Variants in RBFOX3 observed in about 807,000 individuals in gnomAD.
RBFOX3 encodes RNA binding protein fox-1 homolog 3.
A neutral mutation model predicts 48.7 loss-of-function variants in RBFOX3; 17 were observed. The ratio of observed to expected loss-of-function variants is 0.35; its 90% CI spans 0.24 to 0.52. The LOEUF (loss-of-function observed/expected upper bound fraction) is 0.52. RBFOX3 is among the 20% of genes least tolerant of loss of function. The pLI, the probability that RBFOX3 is intolerant of heterozygous loss-of-function variation, is 0.94. For synonymous variants in RBFOX3, 212 were observed against 209.5 expected (o/e 1.01, Z -0.10); for missense variants, 382 against 497.5 (o/e 0.77, Z 2.21).
intron 4 of RBFOX3, among the ~76,000 whole-genome samples, chr17:79,171,174 T>C (rs756403427): frequency 6.6e-6 from 1 of 152,236 alleles, no homozygotes; most frequent in Non-Finnish European, 1.5e-5. Flanking sequence ...ATGCCAAATA[T>C]CTCAATCATG....
intron 2 of RBFOX3, among the ~76,000 whole-genome samples, chr17:79,467,279 A>C (rs2076441879): frequency 6.6e-6 from 1 of 152,126 alleles, no homozygotes; most frequent in South Asian, 2.1e-4. Flanking sequence ...TGTGTGGCTT[A>C]GGTCCCCAGA....
intron 1 of RBFOX3, among the ~76,000 whole-genome samples, chr17:79,580,289 C>T (rs1323189685): frequency 2.3e-5 from 3 of 133,070 alleles, no homozygotes; most frequent in Non-Finnish European, 4.8e-5. Flanking sequence ...CCATCCTCCT[C>T]CTCCTCCTCC....
chr17:79,140,298 A>G (rs1297912355), intron 4 of RBFOX3, among the ~76,000 whole-genome samples: 1 of 152,266 alleles, frequency 6.6e-6, no homozygotes, highest in African/African-American at 2.4e-5. Flanking sequence ...CTCTGAGCCC[A>G]GGGCCATTTC....
At chr17:79,296,451 T>C (rs2074355967) in intron 3 of RBFOX3, among the ~76,000 whole-genome samples, 2 of 152,082 alleles carry the variant, frequency 1.3e-5, no homozygotes, top group African/African-American at 4.8e-5. Context: ...CACCTGCATA[T>C]AAAAATGACA....
chr17:79,410,054 C>T (rs1242868922), intron 2 of RBFOX3, among the ~76,000 whole-genome samples: 2 of 152,228 alleles, frequency 1.3e-5, no homozygotes, highest in Non-Finnish European at 2.9e-5. Flanking sequence ...TATTTCCCGC[C>T]TGCTCCTCTC....
rs1162353511 is a variant in RBFOX3 at position 79,564,228 on chromosome 17, C to T, written c.-320+46598G>A. Among the ~76,000 whole-genome samples, 5 of 152,236 alleles carry T rather than the reference C, an allele frequency of 3.3e-5. No homozygotes were observed. The South Asian group carries it at 6.2e-4, about 19-fold the overall frequency. ...TTGCCATGCAGCTCCCATTTGACTT[C>T]CTTTCATTCATTGAACAGTCCTTCC... On this transcript the variant is annotated intron_variant, in intron 1 of 14. Coordinates refer to ENST00000693108, the MANE Select transcript of RBFOX3 (RefSeq NM_001350451.2).
rs2066468710 is a variant in RBFOX3, at chr17:79,421,926, C to T, written c.-175+60528G>A. On this transcript the variant is annotated intron_variant, in intron 2 of 14. Transcript: ENST00000693108. This position sits in a 1 kb window ranked among gnomAD's most constrained non-coding sequence, Gnocchi z 4.5. ...CTGCCCGGTCCTCAGCAACTGGCCCCATGTTCCACAGGCTCAGCAGCTCCC... is the reference window on the plus strand; with the variant it reads ...CTGCCCGGTCCTCAGCAACTGGCCCTATGTTCCACAGGCTCAGCAGCTCCC... Among the ~76,000 whole-genome samples the T allele has an allele frequency of 6.6e-6, 1 of 152,150 alleles. No homozygotes were observed. The highest frequency in any genetic ancestry group is 2.4e-5 in the African/African-American group (1 of 41,436).
chr17:79,292,567 C>T (rs1353875078), intron 3 of RBFOX3, among the ~76,000 whole-genome samples: 1 of 125,716 alleles, frequency 8.0e-6, no homozygotes. Flanking sequence ...TGGCACTGTA[C>T]ACACACACAC....
chr17:79,563,229 AAAAAC>A (rs1422056350), intron 1 of RBFOX3, among the ~76,000 whole-genome samples: 1 of 152,214 alleles, frequency 6.6e-6, no homozygotes, highest in Non-Finnish European at 1.5e-5. Context: ...TTGAAAAAAA[AAAAAC>A]AAAAAAACAA....
At chr17:79,598,782 G>A (rs2093633290) in intron 1 of RBFOX3, 1 of 152,146 alleles carries the variant, frequency 6.6e-6, no homozygotes, top group Non-Finnish European at 1.5e-5. Flanking sequence ...TTGGACTCTT[G>A]CCTTCCTTTT....
chr17:79,460,810 C>A (rs1323311983), intron 2 of RBFOX3, among the ~76,000 whole-genome samples: 3 of 152,194 alleles, frequency 2.0e-5, no homozygotes, highest in African/African-American at 2.4e-5. Context: ...CAGACCTGCA[C>A]CAGATGCCAG....
At chr17:79,584,121 G>T (rs2093165094) in intron 1 of RBFOX3, among the ~76,000 whole-genome samples, 1 of 152,160 alleles carries the variant, frequency 6.6e-6, no homozygotes, top group Non-Finnish European at 1.5e-5. Flanking sequence ...TATACCAATG[G>T]CCAACAAGCA....
chr17:79,620,133 GCACACGCGCA>G, the RBFOX3 span, among the ~76,000 whole-genome samples: 1 of 130,212 alleles, frequency 7.7e-6, no homozygotes, highest in Non-Finnish European at 1.6e-5. Context: ...ATACACACAT[GCACACGCGCA>G]CACACATGCA....
chr17:79,341,474 G>A (rs898103450), intron 2 of RBFOX3, among the ~76,000 whole-genome samples: 19 of 152,118 alleles, frequency 1.2e-4, no homozygotes, highest in African/African-American at 4.6e-4. Context: ...AATTGAGTTC[G>A]TGGGAGGCTG....
intron 2 of RBFOX3, among the ~76,000 whole-genome samples, chr17:79,326,905 A>G (rs1190515861): frequency 6.6e-6 from 1 of 152,242 alleles, no homozygotes; most frequent in Non-Finnish European, 1.5e-5. Flanking sequence ...GGTGGGCCCA[A>G]ACAGATAATT....
intron 2 of RBFOX3, among the ~76,000 whole-genome samples, chr17:79,478,430 A>G (rs1393694720): frequency 6.6e-6 from 1 of 152,084 alleles, no homozygotes; most frequent in Non-Finnish European, 1.5e-5. Context: ...GCTCACACTC[A>G]GCCCCATGGC....
At chr17:79,121,326 G>C (rs778566151) in intron 4 of RBFOX3, among the ~76,000 whole-genome samples, 8 of 152,094 alleles carry the variant, frequency 5.3e-5, no homozygotes, top group African/African-American at 1.4e-4. Context: ...CACCCTGACA[G>C]GCTGCAGTCT....
chr17:79,103,135 C>T lies in RBFOX3; in HGVS notation c.507+27G>A, dbSNP rs1255285013. ...GGCAGGTGGGCGATCTTGGGGCATC[C>T]CTGCCGCAGCACACTTATCTGAGCA... On this transcript the variant is annotated intron_variant, in intron 8 of 14. Transcript: ENST00000693108. This position sits in a 1 kb window ranked among gnomAD's most constrained non-coding sequence, Gnocchi z 6.1. 3 of 1,522,764 alleles carry T rather than the reference C, an allele frequency of 2.0e-6. No homozygotes were observed. In the Admixed American group the frequency reaches 5.9e-5, roughly 30 times the overall value. 94.3% of individuals were successfully genotyped at this position (1,522,764 alleles called of 1,614,324 possible).
intron 3 of RBFOX3, among the ~76,000 whole-genome samples, chr17:79,250,512 T>C (rs559044227): frequency 6.7e-6 from 1 of 150,036 alleles, no homozygotes; most frequent in Non-Finnish European, 1.5e-5. Flanking sequence ...AATGAGCCGA[T>C]CACTCGGCGT....
Sources: gnomAD v4.1 joint callset for allele counts (sites outside exome capture counted in the v4.1 genomes callset) on GRCh38, gnomAD v4.1.1 for gene constraint, Gnocchi (gnomAD v3.1) non-coding constraint, MANE v1.5 for transcripts, NCBI Gene and HGNC (gene_info 2026-07-23, HGNC 2026-07-21) for gene names.